Variants in C1QTNF3 observed in about 807,000 individuals in gnomAD.
C1QTNF3 encodes the protein complement C1q tumor necrosis factor-related protein 3.
A neutral mutation model predicts 32.6 loss-of-function variants in C1QTNF3; 26 were observed. The ratio of observed to expected loss-of-function variants is 0.80; its 90% confidence interval spans 0.58 to 1.11. C1QTNF3 has a LOEUF of 1.11. C1QTNF3 is among the 50% of genes least tolerant of loss of function. The pLI is 0.00. For missense variants in C1QTNF3, 362 were observed against 398.2 expected, an observed-to-expected ratio of 0.91 and a Z score of 0.77; for synonymous variants, 155 against 146.0, an observed-to-expected ratio of 1.06 and a Z score of -0.44.
the C1QTNF3 span, among the ~76,000 whole-genome samples, chr5:34,209,819 G>T: frequency 6.6e-6 from 1 of 151,984 alleles, no homozygotes; most frequent in Admixed American, 6.6e-5. Flanking sequence ...TCTCTTAAAC[G>T]CTCTGATATT....
chr5:34,123,514 A>G, the C1QTNF3 span, among the ~76,000 whole-genome samples: 11 of 152,110 alleles, frequency 7.2e-5, no homozygotes, highest in South Asian at 1.9e-3. Flanking sequence ...TCAATATTTT[A>G]TTCTCAGAAA....
At chr5:34,211,268 T>A in the C1QTNF3 span, among the ~76,000 whole-genome samples, 1 of 152,048 alleles carries the variant, frequency 6.6e-6, no homozygotes, top group Non-Finnish European at 1.5e-5. Flanking sequence ...CATTAATTTT[T>A]ACACTCACAT....
At chr5:34,104,596 CATG>C in the C1QTNF3 span, among the ~76,000 whole-genome samples, 4 of 88,102 alleles carry the variant, frequency 4.5e-5, no homozygotes, top group Non-Finnish European at 9.0e-5. Flanking sequence ...AGTGCAATGG[CATG>C]ATGTCAGCTC....
At chr5:34,126,413 T>G in the C1QTNF3 span, among the ~76,000 whole-genome samples, 1 of 150,072 alleles carries the variant, frequency 6.7e-6, no homozygotes, top group African/African-American at 2.4e-5. Context: ...TTTATTTAAC[T>G]CAGAAAATTA....
chr5:34,211,237 C>T, the C1QTNF3 span, among the ~76,000 whole-genome samples: 1 of 151,558 alleles, frequency 6.6e-6, no homozygotes, highest in African/African-American at 2.4e-5. Context: ...ATTTACTACT[C>T]ATATTCCCAT....
chr5:34,146,454 T>G, the C1QTNF3 span, among the ~76,000 whole-genome samples: 1,843 of 152,248 alleles, frequency 0.012, 40 homozygotes, highest in African/African-American at 0.043. Context: ...GCATGATACT[T>G]GTACAAAAAC....
At chr5:34,206,118 G>A in the C1QTNF3 span, among the ~76,000 whole-genome samples, 1 of 152,072 alleles carries the variant, frequency 6.6e-6, no homozygotes, top group Admixed American at 6.6e-5. Context: ...ATTTTCCTTA[G>A]TCCATATTGA....
upstream of C1QTNF3, among the ~76,000 whole-genome samples, chr5:34,045,026 C>T (rs113522182): frequency 4.2e-4 from 64 of 152,252 alleles, no homozygotes; most frequent in African/African-American, 1.5e-3. Context: ...AAGGAAAGCC[C>T]AGAGCAGTGT....
At chr5:34,081,279 C>T in the C1QTNF3 span, among the ~76,000 whole-genome samples, 1 of 151,546 alleles carries the variant, frequency 6.6e-6, no homozygotes, top group Non-Finnish European at 1.5e-5. Flanking sequence ...ACCGTATACC[C>T]AGGAAATACA....
At chr5:34,163,237 C>A in the C1QTNF3 span, among the ~76,000 whole-genome samples, 1 of 152,016 alleles carries the variant, frequency 6.6e-6, no homozygotes, top group African/African-American at 2.4e-5. Context: ...GAAAAAGATT[C>A]TGAGCTTAAT....
At chr5:34,165,041 G>A in the C1QTNF3 span, 1 of 152,172 alleles carries the variant, frequency 6.6e-6, no homozygotes, top group South Asian at 2.1e-4. Flanking sequence ...TCAGGGGTAT[G>A]GATAAAACAA....
chr5:34,148,274 G>C, the C1QTNF3 span, among the ~76,000 whole-genome samples: 4 of 139,138 alleles, frequency 2.9e-5, no homozygotes, highest in Non-Finnish European at 6.2e-5. Context: ...CAACGAGGCT[G>C]GGGGAGGGGC....
chr5:34,073,100 G>A, the C1QTNF3 span, among the ~76,000 whole-genome samples: 1 of 152,156 alleles, frequency 6.6e-6, no homozygotes, highest in African/African-American at 2.4e-5. Context: ...AGCCGTGGCG[G>A]GTGGATCACG....
the C1QTNF3 span, among the ~76,000 whole-genome samples, chr5:34,230,168 C>T: frequency 6.6e-6 from 1 of 152,088 alleles, no homozygotes; most frequent in African/African-American, 2.4e-5. Flanking sequence ...CCAAGCTGCC[C>T]AAGACAGGGA....
intron 1 of C1QTNF3, 88 bp from the exon 2 acceptor site, chr5:34,035,846 T>C: frequency 1.1e-6 from 1 of 925,434 alleles, no homozygotes. Context: ...GGCCCTTAGG[T>C]AAGCTTAATT....
upstream of C1QTNF3, among the ~76,000 whole-genome samples, chr5:34,045,247 T>C (rs113299598): frequency 2.1e-4 from 32 of 152,228 alleles, no homozygotes; most frequent in Non-Finnish European, 4.4e-5. Context: ...ATTGAGACTT[T>C]CCATTCGTGT....
chr5:34,083,354 T>G, the C1QTNF3 span, among the ~76,000 whole-genome samples: 1 of 151,688 alleles, frequency 6.6e-6, no homozygotes, highest in African/African-American at 2.4e-5. Flanking sequence ...ATACAACACC[T>G]ATTTTAATAT....
the C1QTNF3 span, among the ~76,000 whole-genome samples, chr5:34,225,396 T>C: frequency 6.6e-6 from 1 of 152,210 alleles, no homozygotes; most frequent in East Asian, 1.9e-4. Context: ...TAGTGTATTT[T>C]AGAAAATAAG....
At chr5:34,129,247 A>G in the C1QTNF3 span, among the ~76,000 whole-genome samples, 2 of 152,116 alleles carry the variant, frequency 1.3e-5, no homozygotes, top group Admixed American at 6.5e-5. Flanking sequence ...TTTCTTTACA[A>G]ATTACCCAGT....
Sources: allele counts gnomAD v4.1 joint callset (sites outside exome capture counted in the v4.1 genomes callset), GRCh38; gene constraint gnomAD v4.1.1; transcripts MANE v1.5; gene names NCBI Gene and HGNC (gene_info 2026-07-23, HGNC 2026-07-21).